The following DOCK8 variants were observed in gnomAD, a reference collection of about 807,000 sequenced individuals.
DOCK8 encodes dedicator of cytokinesis 8.
In DOCK8, 141 loss-of-function variants were observed where a neutral mutation model predicts 245.6. The ratio of observed to expected loss-of-function variants is 0.57; its 90% CI spans 0.50 to 0.66. DOCK8 has a LOEUF of 0.66. Ranked by LOEUF, DOCK8 falls within the 30% of genes least tolerant of loss-of-function variation. DOCK8 has a pLI of 0.00. For missense variants in DOCK8, 2,965 were observed against 2,603.4 expected (o/e 1.14, Z -3.02); for synonymous variants, 1,168 against 970.2 (o/e 1.20, Z -3.79).
chr9:362,393 C>T (rs909471697), intron 14 of DOCK8, among the ~76,000 whole-genome samples: 1 of 152,192 alleles, frequency 6.6e-6, no homozygotes, highest in African/African-American at 2.4e-5. Context: ...TAATGATTGA[C>T]TCACCATGAC....
At chr9:376,648 C>A (rs2053530211) in intron 19 of DOCK8, among the ~76,000 whole-genome samples, 1 of 152,200 alleles carries the variant, frequency 6.6e-6, no homozygotes, top group African/African-American at 2.4e-5. Context: ...CGTACTCTCT[C>A]CTTTACCTGC....
intron 33 of DOCK8, among the ~76,000 whole-genome samples, chr9:422,687 G>C (rs1426974616): frequency 2.6e-5 from 4 of 152,120 alleles, no homozygotes; most frequent in Non-Finnish European, 4.4e-5. Flanking sequence ...ACAAAGGCAG[G>C]GTAGACACTT....
intron 43 of DOCK8, among the ~76,000 whole-genome samples, chr9:445,896 A>G (rs1425975759): frequency 6.6e-6 from 1 of 152,222 alleles, no homozygotes; most frequent in Non-Finnish European, 1.5e-5. Flanking sequence ...TCTTCTGCAA[A>G]GTAGCTGTGC....
In DOCK8 at chr9:368,196, A is replaced by C. The variant is rs786205596; in HGVS notation, c.1797+61A>C. 7.3e-7 allele frequency: 1 copy of C among 1,373,094 alleles called. No individual in the cohort carries two copies. 85.1% of individuals were successfully genotyped at this position (1,373,094 alleles called of 1,614,324 possible). On this transcript the variant is annotated intron_variant, in intron 15 of 47. Transcript: ENST00000432829. ...GTGGGCTGCTCACCCCTGTCACTTC[A>C]CACAAGTCCGGGACTCATCAGTGTA...
intron 15 of DOCK8, chr9:368,346 G>C: frequency 1.4e-6 from 1 of 721,924 alleles, no homozygotes; most frequent in Non-Finnish European, 2.6e-6. Flanking sequence ...TCTGTAGTGA[G>C]CTTGGAACAT....
chr9:414,724 A>G, intron 28 of DOCK8, 58 bp from the exon 29 acceptor site: 2 of 1,607,812 alleles, frequency 1.2e-6, no homozygotes. Flanking sequence ...ACTGTTTAAG[A>G]GCTCTTTAGT....
chr9:283,292 C>T (rs1206465165), intron 2 of DOCK8, among the ~76,000 whole-genome samples: 1 of 152,182 alleles, frequency 6.6e-6, no homozygotes, highest in Non-Finnish European at 1.5e-5. Flanking sequence ...CAAAATGCTC[C>T]AAAATCTGAA....
chr9:422,968 G>C (rs1215599467), intron 33 of DOCK8, among the ~76,000 whole-genome samples: 1 of 137,126 alleles, frequency 7.3e-6, no homozygotes. Context: ...CTGGGTGACA[G>C]AGCAAGACTC....
chr9:281,326 T>G (rs1407963182), intron 2 of DOCK8, among the ~76,000 whole-genome samples: 1 of 152,206 alleles, frequency 6.6e-6, no homozygotes, highest in Non-Finnish European at 1.5e-5. Context: ...ATATGCATAC[T>G]CTGAAAAATC....
intron 1 of DOCK8, among the ~76,000 whole-genome samples, chr9:269,816 C>A (rs2048117412): frequency 6.6e-6 from 1 of 152,150 alleles, no homozygotes. Context: ...CTTCAGCCCC[C>A]CAAAATGCTG....
intron 14 of DOCK8, among the ~76,000 whole-genome samples, chr9:366,956 T>G (rs1195723849): frequency 2.6e-5 from 4 of 152,158 alleles, no homozygotes; most frequent in African/African-American, 9.7e-5. Flanking sequence ...AATACAGTGG[T>G]TATGAGCATG....
chr9:334,489 G>A, intron 11 of DOCK8, 105 bp downstream of exon 11: 1 of 1,281,522 alleles, frequency 7.8e-7, no homozygotes, highest in Non-Finnish European at 1.1e-6. Context: ...TGTGGGAAGT[G>A]GGGAGGCAGA....
chr9:396,609 A>G (rs2054468592), intron 24 of DOCK8, among the ~76,000 whole-genome samples, 176 bp from the exon 25 acceptor site: 1 of 152,168 alleles, frequency 6.6e-6, no homozygotes, highest in African/African-American at 2.4e-5. Flanking sequence ...CACCATGGTA[A>G]CCATTGGTGT....
intron 1 of DOCK8, among the ~76,000 whole-genome samples, chr9:238,859 G>A (rs991400450): frequency 6.6e-6 from 1 of 152,136 alleles, no homozygotes; most frequent in African/African-American, 2.4e-5. Context: ...GTTCGGGGTC[G>A]TGGATGGCCA....
At chr9:220,807 G>T (rs1401653225) in intron 1 of DOCK8, 6 of 360,890 alleles carry the variant, frequency 1.7e-5, no homozygotes. Context: ...TGCAACCTCT[G>T]CCTCCCGGAT....
chr9:240,837 A>G (rs779282626), intron 1 of DOCK8, among the ~76,000 whole-genome samples: 1 of 152,190 alleles, frequency 6.6e-6, no homozygotes, highest in Non-Finnish European at 1.5e-5. Flanking sequence ...CATGTCAGAT[A>G]ATGTCTCATT....
At chr9:336,144 G>A (rs1025545267) in intron 11 of DOCK8, among the ~76,000 whole-genome samples, 2 of 152,212 alleles carry the variant, frequency 1.3e-5, no homozygotes, top group Non-Finnish European at 2.9e-5. Context: ...AGTGTACACA[G>A]GCTGACCCCA....
chr9:303,832 A>G (rs1665379428), intron 4 of DOCK8, among the ~76,000 whole-genome samples: 1 of 152,254 alleles, frequency 6.6e-6, no homozygotes, highest in South Asian at 2.1e-4. Context: ...GATATCCCGT[A>G]TCCTCAATAA....
chr9:347,237 C>T (rs140459587), intron 14 of DOCK8, among the ~76,000 whole-genome samples: 2,618 of 152,268 alleles, frequency 0.017, 67 homozygotes, highest in African/African-American at 0.06. Context: ...GGCACAGCGG[C>T]TCACACCTGC....
Sources: gnomAD v4.1 joint callset for allele counts (sites outside exome capture counted in the v4.1 genomes callset) on GRCh38, gnomAD v4.1.1 for gene constraint, MANE v1.5 for transcripts, NCBI Gene and HGNC (gene_info 2026-07-23, HGNC 2026-07-21) for gene names.